IRGM: variants seen among roughly 807,000 people sequenced by gnomAD.
The protein encoded by IRGM is immunity-related GTPase family M protein.
For synonymous variants in IRGM, 98 were observed against 80.6 expected (o/e 1.22, Z -1.16); for missense variants, 288 against 219.9 (o/e 1.31, Z -1.96).
At chr5:150,873,619 G>A (rs1754321217) in intron 1 of IRGM, among the ~76,000 whole-genome samples, 1 of 151,408 alleles carries the variant, frequency 6.6e-6, no homozygotes, top group African/African-American at 2.5e-5. Flanking sequence ...AATTAATGGA[G>A]TTTTAGCTTT....
Position 150,847,951 on chromosome 5 carries a change from A to C in IRGM, c.-173A>C, listed in dbSNP as rs1753900138. Reference sequence around the variant, plus strand: ...CTGTATTAGCTGGGACTACAGGCGCACACCACCACGCGCAGCTAATTTTTT... The same window carrying C: ...CTGTATTAGCTGGGACTACAGGCGCCCACCACCACGCGCAGCTAATTTTTT... On this transcript the variant is annotated 5_prime_UTR_variant, in exon 2 of 2. Transcript: ENST00000522154. 1.7e-6 allele frequency: 1 copy of C among 586,514 alleles called. No homozygotes were observed. Among genetic ancestry groups the C allele is most frequent in the African/African-American group, 1.9e-5 (1 of 53,606 alleles). 36.3% of individuals were successfully genotyped at this position (586,514 alleles called of 1,614,324 possible). A position where few individuals can be genotyped will look rare whatever the true frequency, so the allele number is the denominator to read the frequency against.
intron 3 of IRGM, among the ~76,000 whole-genome samples, chr5:150,899,371 T>C (rs1431280990): frequency 1.3e-5 from 2 of 152,098 alleles, no homozygotes; most frequent in Non-Finnish European, 2.9e-5. Flanking sequence ...AGGAGAATTT[T>C]AATTAATGAT....
At position 150,888,163 on chromosome 5, in the gene IRGM, AAAAC is replaced by A. The variant is rs367939429; in HGVS notation, c.*140+8530_*140+8533del. On this transcript the variant is annotated intron_variant and NMD_transcript_variant, in intron 3 of 3. Coordinates refer to the IRGM transcript ENST00000520549. ...TTGCAATTCTGATTTCAGACAAGAA[AAAAC>A]AAACAAACAAACGAAAAACAGACTT... Among the ~76,000 whole-genome samples the A allele has an allele frequency of 3.2e-3, 480 of 152,230 alleles. 11 individuals carry two copies. The highest frequency in any genetic ancestry group is 9.8e-3 in the African/African-American group (408 of 41,574).
chr5:150,852,144 C>A (rs1753986321), downstream of IRGM, among the ~76,000 whole-genome samples: 1 of 152,100 alleles, frequency 6.6e-6, no homozygotes, highest in South Asian at 2.1e-4. Context: ...ATTAAGTAAG[C>A]TGTATAATTT....
chr5:150,848,504 T>C lies in IRGM; in HGVS notation c.381T>C (p.His127=). ...MVASAQFSMN[H]VMLAKTAEDM... Reference sequence around the variant, plus strand: ...CATCTGCACAATTCAGCATGAATCATGTGATGCTTGCCAAAACCGCTGAGG... The same window carrying C: ...CATCTGCACAATTCAGCATGAATCACGTGATGCTTGCCAAAACCGCTGAGG... The change falls in exon 2 of 2, where the codon CAT becomes CAC. Residue 127 remains histidine (H), a synonymous_variant. Coordinates refer to ENST00000522154, the MANE Select transcript of IRGM (RefSeq NM_001145805.2). The C allele has an allele frequency of 6.4e-7, 1 of 1,551,862 alleles. No homozygotes were observed. Among genetic ancestry groups the C allele is most frequent in the Non-Finnish European group, 8.7e-7 (1 of 1,146,988 alleles).
At chr5:150,892,864 C>A (rs1754634778) in intron 3 of IRGM, among the ~76,000 whole-genome samples, 1 of 151,986 alleles carries the variant, frequency 6.6e-6, no homozygotes, top group Non-Finnish European at 1.5e-5. Context: ...CCCACCTTGT[C>A]CTCTTAAAGT....
chr5:150,895,812 C>A, intron 3 of IRGM: 2 of 1,613,076 alleles, frequency 1.2e-6, no homozygotes, highest in Non-Finnish European at 8.5e-7. Flanking sequence ...CTGTGACTTG[C>A]GGGAGAATGT....
chr5:150,889,842 T>C (rs185865393), intron 3 of IRGM, among the ~76,000 whole-genome samples: 1 of 152,230 alleles, frequency 6.6e-6, no homozygotes, highest in African/African-American at 2.4e-5. Context: ...TGATTGATTT[T>C]CAAATGTTAA....
chr5:150,851,631 C>T (rs1387445537), downstream of IRGM, among the ~76,000 whole-genome samples: 10 of 152,154 alleles, frequency 6.6e-5, no homozygotes. Context: ...ATTTCTGAAT[C>T]TTGCTTGATT....
chr5:150,890,148 C>T (rs77277267), intron 3 of IRGM, among the ~76,000 whole-genome samples: 31 of 152,012 alleles, frequency 2.0e-4, no homozygotes, highest in Non-Finnish European at 3.4e-4. Context: ...GGTCTATGAT[C>T]CTGAATTTGA....
chr5:150,876,616 A>G (rs1411532864), intron 1 of IRGM, among the ~76,000 whole-genome samples: 1 of 152,192 alleles, frequency 6.6e-6, no homozygotes, highest in African/African-American at 2.4e-5. Context: ...GAGTTAGGGC[A>G]TCTCTTAGTT....
At position 150,848,404 on chromosome 5, in the gene IRGM, C is replaced by A. The variant is rs72553867; in HGVS notation, c.281C>A (p.Thr94Lys). 68,539 of 1,551,828 alleles carry A rather than the reference C, an allele frequency of 0.044. 2,028 individuals carry two copies. The highest frequency in any genetic ancestry group is 0.16 in the East Asian group (6,614 of 41,052). The change falls in exon 2 of 2, where the codon ACA (threonine) becomes AAA (lysine). Residue 94 changes from threonine to lysine, a missense_variant. Thr to Lys is a moderately conservative substitution (Grantham distance 78). Transcript: ENST00000522154. ...GTGGTGTTGTGGGACCTGCCTGGCA[C>A]AGGGTCTGCCACCACAACCCTGGAG... is the stretch of plus-strand genomic sequence containing the variant. Reference protein sequence around the residue: ...SNVVLWDLPGTGSATTTLENY... With the variant: ...SNVVLWDLPGKGSATTTLENY...
At chr5:150,870,244 T>C (rs1754264183) in intron 1 of IRGM, among the ~76,000 whole-genome samples, 1 of 152,146 alleles carries the variant, frequency 6.6e-6, no homozygotes, top group Non-Finnish European at 1.5e-5. Flanking sequence ...TGCACATCCC[T>C]AACCTCGGCA....
chr5:150,868,655 T>C (rs1379623885), intron 1 of IRGM, among the ~76,000 whole-genome samples: 1 of 152,080 alleles, frequency 6.6e-6, no homozygotes, highest in Admixed American at 6.5e-5. Context: ...CTTTCACCAG[T>C]GTTTTGAAGT....
chr5:150,889,342 G>T (rs934825251), intron 3 of IRGM, among the ~76,000 whole-genome samples: 1 of 151,868 alleles, frequency 6.6e-6, no homozygotes, highest in East Asian at 1.9e-4. Flanking sequence ...CTTGTGCAGG[G>T]AAACTCCCCC....
chr5:150,859,185 G>C lies in IRGM; in HGVS notation c.158+10531G>C, dbSNP rs376247907. Among the ~76,000 whole-genome samples the C allele has an allele frequency of 9.2e-4, 140 of 152,200 alleles. 1 individual carries two copies. The highest frequency in any genetic ancestry group is 3.0e-3 in the African/African-American group (124 of 41,500). ...CCTTTTCTGCATCTATTGAGATAAT[G>C]ATGTGGTTTTTGTCTTTGGTTCTGT... On this transcript the variant is annotated intron_variant and NMD_transcript_variant, in intron 1 of 3. Coordinates refer to the IRGM transcript ENST00000520549.
At chr5:150,887,795 T>A (rs2344180) in intron 3 of IRGM, among the ~76,000 whole-genome samples, 32,030 of 151,708 alleles carry the variant, frequency 0.21, 5,475 homozygotes, top group African/African-American at 0.46. Flanking sequence ...CTGCCTCACA[T>A]GAGGTCTTGA....
chr5:150,887,819 T>A (rs1754549311), intron 3 of IRGM, among the ~76,000 whole-genome samples: 1 of 151,924 alleles, frequency 6.6e-6, no homozygotes, highest in Admixed American at 6.6e-5. Flanking sequence ...GAGTGCTAAC[T>A]ATAGAAAGGA....
chr5:150,870,980 A>AG (rs1754275132), intron 1 of IRGM, among the ~76,000 whole-genome samples: 2 of 144,624 alleles, frequency 1.4e-5, no homozygotes, highest in Admixed American at 6.9e-5. Context: ...AATTCCCACC[A>AG]AAAAAAAAAA....
Sources: gnomAD v4.1 joint callset for allele counts (sites outside exome capture counted in the v4.1 genomes callset) on GRCh38, gnomAD v4.1.1 for gene constraint, MANE v1.5 for transcripts, NCBI Gene and HGNC (gene_info 2026-07-23, HGNC 2026-07-21) for gene names.